NTRK2: variants seen among roughly 807,000 people sequenced by gnomAD.
NTRK2 encodes BDNF/NT-3 growth factors receptor.
Under a neutral mutation model 94.5 loss-of-function variants are expected in NTRK2, and 13 were observed. That is an observed-to-expected ratio of 0.14 (90% CI 0.09 to 0.22). NTRK2 has a LOEUF of 0.22. NTRK2 is among the 10% of genes least tolerant of loss of function. The pLI is 1.00. For synonymous variants in NTRK2, 372 were observed against 407.4 expected (o/e 0.91, Z 1.05); for missense variants, 639 against 1,071.2 (o/e 0.60, Z 5.63).
chr9:84,735,978 T>C (rs1416277026), intron 9 of NTRK2, among the ~76,000 whole-genome samples: 1 of 152,184 alleles, frequency 6.6e-6, no homozygotes, highest in African/African-American at 2.4e-5. Flanking sequence ...TTTGTTAGCA[T>C]TTTCTGATCA....
At chr9:84,671,211 G>A (rs2058680614) in intron 2 of NTRK2, among the ~76,000 whole-genome samples, 2 of 152,296 alleles carry the variant, frequency 1.3e-5, no homozygotes, top group South Asian at 2.1e-4. Context: ...TTTATTCCTC[G>A]TGGGAAGGAA....
At chr9:84,962,492 T>C (rs1017239423) in intron 17 of NTRK2, among the ~76,000 whole-genome samples, 2 of 152,184 alleles carry the variant, frequency 1.3e-5, no homozygotes, top group African/African-American at 4.8e-5. Flanking sequence ...TGTCCCCTTT[T>C]TTTTTGGTCT....
intron 12 of NTRK2, among the ~76,000 whole-genome samples, chr9:84,809,590 A>C (rs2071519459): frequency 6.6e-6 from 1 of 151,766 alleles, no homozygotes; most frequent in Admixed American, 6.6e-5. Flanking sequence ...TAGGATTCTT[A>C]GAAAAGAATA....
At position 85,026,554 on chromosome 9, in the gene NTRK2, TA is replaced by T. The variant is rs1833043704; in HGVS notation, c.*5120del. 4.3e-6 allele frequency: 1 copy of T among 232,760 alleles called. No individual in the cohort carries two copies. The highest frequency in any genetic ancestry group is 8.5e-6 in the Non-Finnish European group (1 of 117,824). The allele number at this position is 232,760 out of a possible 1,614,324, so 14.4% of individuals were successfully genotyped here. On this transcript the variant is annotated 3_prime_UTR_variant, in exon 19 of 19. Coordinates refer to ENST00000277120, the MANE Select transcript of NTRK2 (RefSeq NM_006180.6). Reference sequence around the variant, plus strand: ...AGGTCTTTGAATTAAATGTGGATTTTAAATATGTAATCCCTTGACAAATGAC... The same window carrying T: ...AGGTCTTTGAATTAAATGTGGATTTTAATATGTAATCCCTTGACAAATGAC...
chr9:84,919,054 A>G (rs2077481558), intron 14 of NTRK2, among the ~76,000 whole-genome samples: 2 of 152,116 alleles, frequency 1.3e-5, no homozygotes, highest in Non-Finnish European at 2.9e-5. Context: ...CTACACATAC[A>G]TTGAAACTTA....
intron 12 of NTRK2, among the ~76,000 whole-genome samples, chr9:84,758,541 G>A (rs181508731): frequency 9.5e-4 from 145 of 152,140 alleles, no homozygotes; most frequent in East Asian, 2.3e-3. Context: ...ACAGGCGTGC[G>A]CTACCACGCC....
intron 17 of NTRK2, among the ~76,000 whole-genome samples, chr9:84,959,243 T>C (rs1396115340): frequency 3.3e-5 from 5 of 152,232 alleles, no homozygotes; most frequent in Non-Finnish European, 7.3e-5. Context: ...TGTTAAAAAT[T>C]CTTTCCATCG....
chr9:84,905,747 G>A lies in NTRK2; in HGVS notation c.1634-28415G>A, dbSNP rs145271425. ...AGTGTCAGGTAGGTGGATTCTGTAC[G>A]CAGACTTAAATTAATATAGATCTGA... On this transcript the variant is annotated intron_variant, in intron 14 of 18. Coordinates refer to ENST00000277120, the MANE Select transcript of NTRK2 (RefSeq NM_006180.6). Among the ~76,000 whole-genome samples the A allele has an allele frequency of 8.7e-4, 132 of 152,256 alleles. 1 individual carries two copies. The Middle Eastern group carries it at 0.01, about 12-fold the overall frequency.
At chr9:84,791,486 A>G (rs1012540302) in intron 12 of NTRK2, among the ~76,000 whole-genome samples, 1 of 152,204 alleles carries the variant, frequency 6.6e-6, no homozygotes, top group African/African-American at 2.4e-5. Context: ...CATTTTAAAA[A>G]GTTCATCTGC....
At chr9:84,982,620 G>T (rs11140812) in intron 17 of NTRK2, among the ~76,000 whole-genome samples, 1 of 152,032 alleles carries the variant, frequency 6.6e-6, no homozygotes, top group African/African-American at 2.4e-5. Flanking sequence ...CTTTATTTTA[G>T]CCCCCTCTCA....
intron 6 of NTRK2, among the ~76,000 whole-genome samples, chr9:84,722,054 G>A (rs1268266753): frequency 2.6e-5 from 4 of 151,944 alleles, no homozygotes; most frequent in Non-Finnish European, 4.4e-5. Flanking sequence ...ACTCATCTAA[G>A]GCCACAAAGT....
chr9:84,676,253 C>T lies in NTRK2; in HGVS notation c.212+5293C>T, dbSNP rs549965128. Among the ~76,000 whole-genome samples the T allele has an allele frequency of 2.2e-4, 33 of 152,198 alleles. No homozygotes were observed. The South Asian group carries it at 5.6e-3, about 26-fold the overall frequency. ...AAGGCTCTGAAGTTCCCTGAAGCCTCGGTCACGGAGATAAGGAAGTGTATA... is the reference window on the plus strand; with the variant it reads ...AAGGCTCTGAAGTTCCCTGAAGCCTTGGTCACGGAGATAAGGAAGTGTATA... On this transcript the variant is annotated intron_variant, in intron 2 of 18. Transcript: ENST00000277120.
chr9:84,905,611 A>G (rs994208585), intron 14 of NTRK2, among the ~76,000 whole-genome samples: 1 of 152,218 alleles, frequency 6.6e-6, no homozygotes, highest in Admixed American at 6.5e-5. Context: ...TTAGGTGTAT[A>G]CTGGCTAATG....
At chr9:84,781,710 A>T (rs946439893) in intron 12 of NTRK2, among the ~76,000 whole-genome samples, 1 of 152,204 alleles carries the variant, frequency 6.6e-6, no homozygotes, top group East Asian at 1.9e-4. Context: ...TGATGGAACA[A>T]TGTAGGCATA....
chr9:85,008,721 G>A (rs1386728316), intron 17 of NTRK2, among the ~76,000 whole-genome samples: 1 of 152,198 alleles, frequency 6.6e-6, no homozygotes, highest in Non-Finnish European at 1.5e-5. Context: ...GTAGTTCAGT[G>A]TATCATACAA....
At chr9:84,825,475 C>T (rs1002307330) in intron 12 of NTRK2, among the ~76,000 whole-genome samples, 1 of 152,150 alleles carries the variant, frequency 6.6e-6, no homozygotes, top group African/African-American at 2.4e-5. Flanking sequence ...GACCCTCTTC[C>T]TCCCACCACC....
intron 12 of NTRK2, among the ~76,000 whole-genome samples, chr9:84,757,876 G>A (rs948404661): frequency 1.3e-5 from 2 of 151,984 alleles, no homozygotes; most frequent in African/African-American, 4.8e-5. Flanking sequence ...GTATTGCTAG[G>A]AGGAAAGATA....
At chr9:84,892,853 C>T (rs981451722) in intron 14 of NTRK2, among the ~76,000 whole-genome samples, 6 of 151,646 alleles carry the variant, frequency 4.0e-5, no homozygotes, top group African/African-American at 1.5e-4. Flanking sequence ...ACTGGGGAGG[C>T]GGAAGTTTCA....
intron 17 of NTRK2, among the ~76,000 whole-genome samples, chr9:85,001,186 T>C (rs950395083): frequency 1.8e-5 from 2 of 108,208 alleles, no homozygotes; most frequent in Non-Finnish European, 4.1e-5. Flanking sequence ...TTCTTCCTGT[T>C]TGGTTAGGGC....
Sources: gnomAD v4.1 joint callset for allele counts (sites outside exome capture counted in the v4.1 genomes callset) on GRCh38, gnomAD v4.1.1 for gene constraint, MANE v1.5 for transcripts, NCBI Gene and HGNC (gene_info 2026-07-23, HGNC 2026-07-21) for gene names.